The following KIAA0825 variants were observed in gnomAD, a reference collection of about 807,000 sequenced individuals.
KIAA0825 encodes uncharacterized protein KIAA0825.
In KIAA0825, 119 loss-of-function variants were observed where a neutral mutation model predicts 147.6. The observed-to-expected ratio is 0.81, with a 90% confidence interval of 0.69 to 0.94. The LOEUF (loss-of-function observed/expected upper bound fraction) is 0.94, where lower values mean the gene tolerates loss of function less well. Among genes scored for constraint, KIAA0825 ranks in the 40% least tolerant of loss-of-function variants. The pLI, the probability that KIAA0825 is intolerant of heterozygous loss-of-function variation, is 0.00. For missense variants in KIAA0825, 1,381 were observed against 1,472.7 expected (o/e 0.94, Z 1.02); for synonymous variants, 470 against 518.1 (o/e 0.91, Z 1.26).
At chr5:94,235,704 C>T (rs966354343) in intron 20 of KIAA0825, among the ~76,000 whole-genome samples, 1 of 152,180 alleles carries the variant, frequency 6.6e-6, no homozygotes, top group Non-Finnish European at 1.5e-5. Flanking sequence ...TCCAAAGCTT[C>T]AAAGGACAGG....
At chr5:94,542,425 T>G (rs1279924194) in intron 2 of KIAA0825, among the ~76,000 whole-genome samples, 1 of 152,236 alleles carries the variant, frequency 6.6e-6, no homozygotes, top group African/African-American at 2.4e-5. Context: ...CATATTTGTT[T>G]CTCTCCATGT....
chr5:94,493,589 C>T (rs568503143), intron 5 of KIAA0825, among the ~76,000 whole-genome samples: 4 of 152,142 alleles, frequency 2.6e-5, no homozygotes, highest in Non-Finnish European at 4.4e-5. Flanking sequence ...GCCGGGTTCA[C>T]GCCATTCTCC....
chr5:94,324,929 T>C (rs1002890541), intron 20 of KIAA0825, among the ~76,000 whole-genome samples: 4 of 151,938 alleles, frequency 2.6e-5, no homozygotes, highest in African/African-American at 9.7e-5. Flanking sequence ...AAATGATACC[T>C]GCCACTAAAA....
intron 20 of KIAA0825, among the ~76,000 whole-genome samples, chr5:94,263,791 G>A (rs376004081): frequency 2.0e-5 from 3 of 151,996 alleles, no homozygotes; most frequent in African/African-American, 2.4e-5. Flanking sequence ...GCTTGGATAC[G>A]TCCACTTTTG....
intron 15 of KIAA0825, chr5:94,416,278 A>G (rs143212333): frequency 6.6e-6 from 1 of 152,300 alleles, no homozygotes; most frequent in East Asian, 1.9e-4. Flanking sequence ...AAACATAATG[A>G]CTGTAAAACA....
intron 11 of KIAA0825, among the ~76,000 whole-genome samples, chr5:94,464,107 G>A (rs1352310519): frequency 6.7e-6 from 1 of 148,776 alleles, no homozygotes; most frequent in Non-Finnish European, 1.5e-5. Context: ...GTGTCTGTAG[G>A]TTCCTCCTAA....
At chr5:94,233,658 T>G (rs995858656) in intron 20 of KIAA0825, among the ~76,000 whole-genome samples, 4 of 152,168 alleles carry the variant, frequency 2.6e-5, no homozygotes, top group African/African-American at 9.7e-5. Flanking sequence ...AGGGGTTGCA[T>G]GGTGAAGAGG....
At chr5:94,392,618 G>C (rs1198599561) in intron 17 of KIAA0825, among the ~76,000 whole-genome samples, 1 of 152,094 alleles carries the variant, frequency 6.6e-6, no homozygotes, top group Non-Finnish European at 1.5e-5. Flanking sequence ...GTTTTCCACT[G>C]TTTCCAAGAC....
chr5:94,196,467 T>G (rs1406396707), intron 20 of KIAA0825, among the ~76,000 whole-genome samples: 1 of 152,206 alleles, frequency 6.6e-6, no homozygotes, highest in Non-Finnish European at 1.5e-5. Flanking sequence ...TCTTTTTTTT[T>G]TTTTAACTTT....
chr5:94,537,260 T>G, intron 2 of KIAA0825, 133 bp from the exon 3 acceptor site: 1 of 596,402 alleles, frequency 1.7e-6, no homozygotes, highest in Non-Finnish European at 3.0e-6. Flanking sequence ...CACAATGAAA[T>G]ATAGCAGTTG....
At chr5:94,447,896 G>A (rs1346333441) in intron 13 of KIAA0825, among the ~76,000 whole-genome samples, 1 of 152,014 alleles carries the variant, frequency 6.6e-6, no homozygotes, top group Non-Finnish European at 1.5e-5. Flanking sequence ...AAGAAAATTA[G>A]TAGTTAAAAT....
chr5:94,611,152 G>T lies in KIAA0825; in HGVS notation c.-153+7348C>A, dbSNP rs529691191. ...TATCACCCAACTGGAATAACTGTAT[G>T]CCCTACTAATAGCACAAAAAAGAAG... On this transcript the variant is annotated intron_variant, in intron 1 of 20. Coordinates refer to ENST00000682413, the MANE Select transcript of KIAA0825 (RefSeq NM_001145678.3). Among the ~76,000 whole-genome samples, 4 of 152,164 alleles carry T rather than the reference G, an allele frequency of 2.6e-5. No individual in the cohort carries two copies. The South Asian group carries it at 8.3e-4, about 32-fold the overall frequency.
intron 20 of KIAA0825, among the ~76,000 whole-genome samples, chr5:94,236,304 G>GACTT (rs1240711057): frequency 1.3e-5 from 2 of 152,156 alleles, no homozygotes; most frequent in Non-Finnish European, 2.9e-5. Context: ...AGATGTTTAG[G>GACTT]ACTTCAGTGG....
chr5:94,365,888 GA>G (rs1745780862), intron 20 of KIAA0825, among the ~76,000 whole-genome samples: 1 of 152,186 alleles, frequency 6.6e-6, no homozygotes, highest in South Asian at 2.1e-4. Flanking sequence ...TGCTCCTGGG[GA>G]TAAAATCACT....
intron 14 of KIAA0825, among the ~76,000 whole-genome samples, chr5:94,423,193 G>T (rs1336547138): frequency 6.6e-6 from 1 of 152,096 alleles, no homozygotes; most frequent in East Asian, 1.9e-4. Context: ...GGGTTGGAGG[G>T]ATGAAGGGAT....
chr5:94,424,126 C>T (rs1358032877), intron 14 of KIAA0825, among the ~76,000 whole-genome samples: 1 of 152,024 alleles, frequency 6.6e-6, no homozygotes, highest in East Asian at 1.9e-4. Context: ...TTCCTGTGTC[C>T]AATAATACTT....
chr5:94,406,012 C>T (rs192509812), intron 15 of KIAA0825, among the ~76,000 whole-genome samples: 1,588 of 152,114 alleles, frequency 0.01, 16 homozygotes, highest in Non-Finnish European at 0.017. Context: ...CTGCAACCTC[C>T]GCGTCCCAGG....
chr5:94,444,521 G>T (rs1260234107), intron 13 of KIAA0825, among the ~76,000 whole-genome samples: 2 of 151,890 alleles, frequency 1.3e-5, no homozygotes, highest in African/African-American at 4.8e-5. Flanking sequence ...TAAGGGAGTA[G>T]TAACCAGGAG....
chr5:94,317,752 C>T lies in KIAA0825; in HGVS notation c.3710+66616G>A, dbSNP rs143575396. Among the ~76,000 whole-genome samples the T allele has an allele frequency of 2.6e-3, 388 of 151,752 alleles. 3 individuals are homozygous for T. Among genetic ancestry groups the T allele is most frequent in the African/African-American group, 8.3e-3 (344 of 41,456 alleles). ...TTGTGCAGTGAAAATGAGATAAATA[C>T]GAATGTGCTTTAAAATATATGTAGA... On this transcript the variant is annotated intron_variant, in intron 20 of 20. Coordinates refer to ENST00000682413, the MANE Select transcript of KIAA0825 (RefSeq NM_001145678.3).
Sources: allele counts gnomAD v4.1 joint callset (sites outside exome capture counted in the v4.1 genomes callset), GRCh38; gene constraint gnomAD v4.1.1; transcripts MANE v1.5; gene names NCBI Gene and HGNC (gene_info 2026-07-23, HGNC 2026-07-21).